RNF214: variants seen among roughly 807,000 people sequenced by gnomAD.
RNF214 encodes the protein ring finger protein 214.
In RNF214, 25 loss-of-function variants were observed where a neutral mutation model predicts 75.9. The observed-to-expected ratio is 0.33, with a 90% CI of 0.24 to 0.46. The LOEUF is 0.46. Ranked by LOEUF, RNF214 falls within the 20% of genes least tolerant of loss-of-function variation. The probability of loss-of-function intolerance (pLI) is 1.00; values close to 1 mark genes in which losing one functional copy is unlikely to be tolerated. For synonymous variants in RNF214, 314 were observed against 308.8 expected (o/e 1.02, Z -0.18); for missense variants, 725 against 857.5 (o/e 0.85, Z 1.93).
At position 117,285,161 on chromosome 11, in the gene RNF214, CTG is replaced by C. The variant is rs1197955083; in HGVS notation, c.*11_*12del. 31 of 1,594,836 alleles carry C rather than the reference CTG, an allele frequency of 1.9e-5. No homozygotes were observed. The highest frequency in any genetic ancestry group is 2.7e-5 in the Non-Finnish European group (31 of 1,162,558). ...TCCAACTCTTAAATGACGGACCTGA[CTG>C]GGGAGGAAGAAGAAGAGAAACTGAT... On this transcript the variant is annotated 3_prime_UTR_variant, in exon 15 of 15. Transcript: ENST00000300650.
chr11:117,235,946 CTG>C (rs2032896122), intron 2 of RNF214, among the ~76,000 whole-genome samples: 2 of 151,892 alleles, frequency 1.3e-5, no homozygotes, highest in African/African-American at 2.4e-5. Flanking sequence ...AAGAGGCTGA[CTG>C]TGTATTCTTC....
intron 6 of RNF214, among the ~76,000 whole-genome samples, chr11:117,258,014 A>G (rs1280524958): frequency 6.6e-6 from 1 of 152,154 alleles, no homozygotes; most frequent in Non-Finnish European, 1.5e-5. Flanking sequence ...TTAATATTCT[A>G]CTACAGTTGT....
At chr11:117,237,824 G>A (rs1423955450) in intron 2 of RNF214, among the ~76,000 whole-genome samples, 1 of 152,142 alleles carries the variant, frequency 6.6e-6, no homozygotes, top group East Asian at 1.9e-4. Context: ...AACTTAAAGT[G>A]TAGGTTCTAT....
intron 1 of RNF214, among the ~76,000 whole-genome samples, chr11:117,233,746 A>G (rs2032811545): frequency 1.3e-5 from 2 of 152,220 alleles, no homozygotes; most frequent in South Asian, 4.1e-4. Flanking sequence ...GCACGCTGAC[A>G]GTAAAATATG....
At chr11:117,247,001 G>C in intron 6 of RNF214, 53 bp downstream of exon 6, 1 of 1,336,540 alleles carries the variant, frequency 7.5e-7, no homozygotes, top group Non-Finnish European at 1.0e-6. Flanking sequence ...TGCATGAGGG[G>C]CCAGACCCGT....
intron 6 of RNF214, among the ~76,000 whole-genome samples, chr11:117,258,422 CT>C (rs148722873): frequency 0.016 from 2,488 of 151,306 alleles, 29 homozygotes; most frequent in Non-Finnish European, 0.024. Context: ...TTTTTTCTTT[CT>C]TTTTTTTTAT....
chr11:117,278,491 G>A (rs1247468767), intron 6 of RNF214, among the ~76,000 whole-genome samples: 1 of 152,170 alleles, frequency 6.6e-6, no homozygotes, highest in Non-Finnish European at 1.5e-5. Flanking sequence ...TTTGCTGGCT[G>A]TGTTGCTTAA....
At chr11:117,282,296 G>C (rs754876276) in intron 11 of RNF214, 26 bp downstream of exon 11, 3 of 1,580,022 alleles carry the variant, frequency 1.9e-6, no homozygotes, top group Non-Finnish European at 2.6e-6. Context: ...GACTGATTCA[G>C]ATGTCTCTAT....
intron 6 of RNF214, among the ~76,000 whole-genome samples, chr11:117,257,689 G>T (rs929036218): frequency 3.3e-5 from 5 of 152,184 alleles, no homozygotes; most frequent in Non-Finnish European, 5.9e-5. Context: ...GGGAGTAGAA[G>T]TAAGTAGGAA....
At chr11:117,280,982 C>CTTTTTTT (rs57955215) in intron 8 of RNF214, among the ~76,000 whole-genome samples, 3 of 88,020 alleles carry the variant, frequency 3.4e-5, no homozygotes, top group Non-Finnish European at 4.1e-5. Context: ...AGGAATAGGG[C>CTTTTTTT]TTTTTTTTTT....
intron 6 of RNF214, among the ~76,000 whole-genome samples, chr11:117,274,002 G>A (rs140336393): frequency 3.5e-4 from 54 of 152,224 alleles, no homozygotes; most frequent in African/African-American, 1.0e-3. Flanking sequence ...TAATCTCGTA[G>A]CAGGGTCTAT....
At chr11:117,281,475 A>ACC in intron 9 of RNF214, 71 bp downstream of exon 9, 1 of 1,408,810 alleles carries the variant, frequency 7.1e-7, no homozygotes, top group Non-Finnish European at 1.0e-6. Context: ...ATTGGGAGGT[A>ACC]GCCTTTTGCA....
In RNF214 at chr11:117,239,155, G is replaced by A. The variant is rs191847763; in HGVS notation, c.618+44G>A. ...ACTACTAAAATGTAATTGGGGGGTG[G>A]TGGGGTTCAGGGTGGGAGATATTTC... On this transcript the variant is annotated intron_variant, in intron 3 of 14. Transcript: ENST00000300650. The A allele has an allele frequency of 5.3e-5, 81 of 1,534,360 alleles. No homozygotes were observed. In the African/African-American group the frequency reaches 1.0e-3, roughly 19 times the overall value.
intron 6 of RNF214, among the ~76,000 whole-genome samples, chr11:117,272,367 A>G (rs1169224228): frequency 1.3e-5 from 2 of 152,174 alleles, no homozygotes; most frequent in Non-Finnish European, 2.9e-5. Flanking sequence ...GTTCTTACTC[A>G]TAAGTGGGAG....
chr11:117,244,280 C>T (rs1172043329), intron 4 of RNF214, among the ~76,000 whole-genome samples, 165 bp from the exon 5 acceptor site: 1 of 152,150 alleles, frequency 6.6e-6, no homozygotes, highest in Non-Finnish European at 1.5e-5. Flanking sequence ...CATCCCCAGC[C>T]AATCTCATCA....
chr11:117,275,113 T>C (rs1266031082), intron 6 of RNF214, among the ~76,000 whole-genome samples: 3 of 152,184 alleles, frequency 2.0e-5, no homozygotes, highest in Non-Finnish European at 2.9e-5. Flanking sequence ...GAAGAGGAAC[T>C]CTCAAACCTA....
chr11:117,262,393 G>A (rs928439502), intron 6 of RNF214, among the ~76,000 whole-genome samples: 1 of 151,270 alleles, frequency 6.6e-6, no homozygotes, highest in Non-Finnish European at 1.5e-5. Context: ...GGCCTGTTTG[G>A]TTTTTGAGTT....
intron 2 of RNF214, among the ~76,000 whole-genome samples, chr11:117,235,695 G>A (rs1471590253): frequency 4.6e-5 from 7 of 151,890 alleles, no homozygotes; most frequent in African/African-American, 1.7e-4. Context: ...GAGTAGAAAC[G>A]GGGTTTTGCC....
intron 6 of RNF214, among the ~76,000 whole-genome samples, chr11:117,272,066 G>A (rs2033923320): frequency 6.6e-6 from 1 of 152,026 alleles, no homozygotes; most frequent in Non-Finnish European, 1.5e-5. Flanking sequence ...CTCCTACTTT[G>A]GCCTTCCAAA....
Sources: gnomAD v4.1 joint callset for allele counts (sites outside exome capture counted in the v4.1 genomes callset) on GRCh38, gnomAD v4.1.1 for gene constraint, MANE v1.5 for transcripts, NCBI Gene and HGNC (gene_info 2026-07-23, HGNC 2026-07-21) for gene names.